The following SETBP1 variants were observed in gnomAD, a reference collection of about 807,000 sequenced individuals.
The protein encoded by SETBP1 is SET-binding protein.
In SETBP1, 9 loss-of-function variants were observed where a neutral mutation model predicts 101.0. The observed-to-expected ratio is 0.09, with a 90% CI of 0.05 to 0.16. The LOEUF (loss-of-function observed/expected upper bound fraction) is 0.16, where lower values mean the gene tolerates loss of function less well. Ranked by LOEUF, SETBP1 falls within the 10% of genes least tolerant of loss-of-function variation. SETBP1 has a pLI of 1.00. For missense variants in SETBP1, 1,858 were observed against 2,033.8 expected, an observed-to-expected ratio of 0.91 and a Z score of 1.66; for synonymous variants, 818 against 788.5, an observed-to-expected ratio of 1.04 and a Z score of -0.63.
intron 5 of SETBP1, among the ~76,000 whole-genome samples, chr18:45,045,720 T>G (rs985361503): frequency 6.6e-6 from 1 of 152,114 alleles, no homozygotes; most frequent in African/African-American, 2.4e-5. Flanking sequence ...TTCATGTCTG[T>G]AAAATGGGGA....
In SETBP1 at chr18:44,951,918, C is replaced by T. The variant is rs2071362929; in HGVS notation, c.2578C>T (p.His860Tyr). 1 of 1,613,904 alleles carries T rather than the reference C, an allele frequency of 6.2e-7. No homozygotes were observed. Among genetic ancestry groups the T allele is most frequent in the African/African-American group, 1.3e-5 (1 of 74,872 alleles). The stretch of plus-strand genomic sequence containing the variant: ...CACGCTGTCCCCTGTGAGCGAGTCC[C>T]ACAGTGAGGAGACGATCCCCAGCGA... ...EITLSPVSES[H>Y]SEETIPSDSG... Residue 860 changes from histidine to tyrosine, a missense_variant, in exon 4 of 6, where the codon CAC becomes TAC. His to Tyr is a moderately conservative substitution (Grantham distance 83). Around this residue, in one of 12 missense-constraint regions of SETBP1, gnomAD observed 12 missense variants for 45.3 expected, o/e 0.27. Coordinates refer to ENST00000649279, the MANE Select transcript of SETBP1 (RefSeq NM_015559.3). This position sits in a 1 kb window ranked among gnomAD's most constrained non-coding sequence, Gnocchi z 7.8.
chr18:44,813,906 G>A (rs2071916593), intron 2 of SETBP1, among the ~76,000 whole-genome samples: 1 of 152,176 alleles, frequency 6.6e-6, no homozygotes. Flanking sequence ...TCCTGGAGTT[G>A]TAGGAGAGTG....
At chr18:44,702,528 A>G (rs1459555407) in intron 2 of SETBP1, among the ~76,000 whole-genome samples, 6 of 152,230 alleles carry the variant, frequency 3.9e-5, no homozygotes, top group Non-Finnish European at 8.8e-5. Flanking sequence ...TTATTGTATA[A>G]CAGCCAAGTG....
At chr18:44,800,468 C>A (rs2071582172) in intron 2 of SETBP1, among the ~76,000 whole-genome samples, 1 of 152,066 alleles carries the variant, frequency 6.6e-6, no homozygotes, top group Admixed American at 6.6e-5. Context: ...ACGGATCCGA[C>A]AATCAAAATG....
At chr18:44,946,162 T>A (rs1162300957) in intron 3 of SETBP1, among the ~76,000 whole-genome samples, 1 of 152,148 alleles carries the variant, frequency 6.6e-6, no homozygotes, top group East Asian at 1.9e-4. Context: ...TGAGTGAAGA[T>A]CTTAAAGCAC....
At chr18:44,968,887 C>T (rs974861644) in intron 4 of SETBP1, among the ~76,000 whole-genome samples, 1 of 152,204 alleles carries the variant, frequency 6.6e-6, no homozygotes, top group African/African-American at 2.4e-5. Flanking sequence ...AAAATCAAAA[C>T]ATTTCTCACT....
intron 2 of SETBP1, among the ~76,000 whole-genome samples, chr18:44,712,140 G>A (rs1447443239): frequency 6.6e-6 from 1 of 152,166 alleles, no homozygotes; most frequent in East Asian, 1.9e-4. Context: ...AATGCAGGTT[G>A]CTTTGGTGTG....
intron 2 of SETBP1, among the ~76,000 whole-genome samples, chr18:44,744,951 C>T (rs937720758): frequency 3.3e-5 from 5 of 152,052 alleles, no homozygotes; most frequent in Non-Finnish European, 1.5e-5. Flanking sequence ...GGACGTGGGG[C>T]TCCTGAATGA....
chr18:44,890,959 G>A (rs1471181603), intron 3 of SETBP1, among the ~76,000 whole-genome samples: 6 of 152,132 alleles, frequency 3.9e-5, no homozygotes, highest in Non-Finnish European at 7.4e-5. Context: ...AGGGGTATTA[G>A]TCTGTTTCCA....
At chr18:44,999,513 T>TC (rs2072571187) in intron 4 of SETBP1, among the ~76,000 whole-genome samples, 2 of 152,200 alleles carry the variant, frequency 1.3e-5, no homozygotes, top group South Asian at 4.1e-4. Flanking sequence ...AAGAAAAAAC[T>TC]CTGGGATATG....
intron 4 of SETBP1, among the ~76,000 whole-genome samples, chr18:45,005,835 A>C (rs1465046864): frequency 1.3e-5 from 2 of 149,490 alleles, no homozygotes; most frequent in Admixed American, 1.3e-4. Context: ...TTTAGTAGAG[A>C]CGGGGTTTCA....
At chr18:44,732,012 G>T (rs1419877887) in intron 2 of SETBP1, among the ~76,000 whole-genome samples, 8 of 152,056 alleles carry the variant, frequency 5.3e-5, no homozygotes, top group Non-Finnish European at 7.4e-5. Flanking sequence ...TCTTTATTAT[G>T]AAATACCCAG....
intron 2 of SETBP1, among the ~76,000 whole-genome samples, chr18:44,829,305 C>T (rs1039223201): frequency 6.6e-6 from 1 of 152,048 alleles, no homozygotes; most frequent in Non-Finnish European, 1.5e-5. Flanking sequence ...ACTGATCTGC[C>T]CTATTGCATT....
intron 2 of SETBP1, among the ~76,000 whole-genome samples, chr18:44,773,690 C>T (rs1191786080): frequency 6.6e-6 from 1 of 152,080 alleles, no homozygotes; most frequent in East Asian, 1.9e-4. Context: ...TAAACAAAAA[C>T]CCAGTCCAAC....
intron 4 of SETBP1, among the ~76,000 whole-genome samples, chr18:45,013,276 C>T (rs1190365113): frequency 2.0e-5 from 3 of 152,180 alleles, no homozygotes; most frequent in Non-Finnish European, 4.4e-5. Flanking sequence ...TAACACACCA[C>T]GAAGGATGCT....
At chr18:45,015,006 T>C (rs2145394454) in intron 4 of SETBP1, among the ~76,000 whole-genome samples, 1 of 152,286 alleles carries the variant, frequency 6.6e-6, no homozygotes, top group Non-Finnish European at 1.5e-5. Context: ...GGGTGCCTGC[T>C]CCGGACTCTC....
At chr18:44,861,229 C>CTTTTTT (rs775284488) in intron 2 of SETBP1, among the ~76,000 whole-genome samples, 75 of 88,340 alleles carry the variant, frequency 8.5e-4, no homozygotes, top group Admixed American at 1.1e-3. Flanking sequence ...TTTTTCTTTT[C>CTTTTTT]TTTTTTTTTT....
At chr18:44,844,453 T>C (rs1314092321) in intron 2 of SETBP1, among the ~76,000 whole-genome samples, 1 of 152,168 alleles carries the variant, frequency 6.6e-6, no homozygotes, top group East Asian at 1.9e-4. Flanking sequence ...CAGTGATGTG[T>C]GCTCTGGAGA....
In SETBP1 at chr18:44,975,065, T is replaced by A. The variant is rs140573038; in HGVS notation, c.4000+21725T>A. Reference sequence around the variant, plus strand: ...GCCCTCTTATCAATGCCACACAAGGTGTGTAAAGATCAGTAAGGGGTACAA... The same window carrying A: ...GCCCTCTTATCAATGCCACACAAGGAGTGTAAAGATCAGTAAGGGGTACAA... On this transcript the variant is annotated intron_variant, in intron 4 of 5. Coordinates refer to ENST00000649279, the MANE Select transcript of SETBP1 (RefSeq NM_015559.3). 2.0e-5 allele frequency among the ~76,000 whole-genome samples: 3 copies of A among 152,260 alleles called. No individual in the cohort carries two copies. In the East Asian group the frequency reaches 5.8e-4, roughly 29 times the overall value.
Sources: allele counts gnomAD v4.1 joint callset (sites outside exome capture counted in the v4.1 genomes callset), GRCh38; gene constraint gnomAD v4.1.1; regional missense constraint gnomAD v4.1.1; non-coding constraint Gnocchi (gnomAD v3.1); transcripts MANE v1.5; gene names NCBI Gene and HGNC (gene_info 2026-07-23, HGNC 2026-07-21).